The following BOP1 variants were observed in gnomAD, a reference collection of about 807,000 sequenced individuals.
BOP1 encodes the protein ribosome biogenesis protein BOP1.
BOP1 carries 54 observed loss-of-function variants against 82.9 expected under a neutral mutation model. The observed-to-expected ratio is 0.65, with a 90% CI of 0.52 to 0.82. BOP1 has a LOEUF of 0.82. Ranked by LOEUF, BOP1 falls within the 40% of genes least tolerant of loss-of-function variation. The pLI is 0.00. For missense variants in BOP1, 1,170 were observed against 1,072.0 expected, an observed-to-expected ratio of 1.09 and a Z score of -1.28; for synonymous variants, 566 against 451.1, an observed-to-expected ratio of 1.25 and a Z score of -3.23.
chr8:144,288,854 A>C (rs1198845597), intron 2 of BOP1, among the ~76,000 whole-genome samples: 1 of 152,196 alleles, frequency 6.6e-6, no homozygotes, highest in African/African-American at 2.4e-5. Flanking sequence ...GGGTTGCCCG[A>C]GCATCGTCTG....
intron 2 of BOP1, among the ~76,000 whole-genome samples, chr8:144,284,304 A>C (rs782609200): frequency 5.9e-5 from 9 of 152,178 alleles, no homozygotes; most frequent in Non-Finnish European, 1.0e-4. Flanking sequence ...TCTCAAACAA[A>C]AAAAAGCATT....
At chr8:144,276,585 C>T (rs959675708) in intron 2 of BOP1, among the ~76,000 whole-genome samples, 5 of 152,146 alleles carry the variant, frequency 3.3e-5, no homozygotes, top group African/African-American at 4.8e-5. Flanking sequence ...AGGCTAGACA[C>T]GGAAGCCACT....
intron 2 of BOP1, 147 bp from the exon 3 acceptor site, chr8:144,276,451 C>G (rs1263669022): frequency 5.4e-6 from 5 of 930,654 alleles, no homozygotes; most frequent in Non-Finnish European, 8.4e-6. Flanking sequence ...ACACCCAGCT[C>G]TAAGGGGGCC....
rs1285287817 is a variant in BOP1, at chr8:144,262,975, C to T, written c.1772G>A (p.Arg591Gln). ...CTGGGACGCCACCAACAGGAAGGGC[C>T]GGGCAGGGTGGAAGGCCACTCGCTG... ...QVQRVAFHPARPFLLVASQRS... is the reference protein window; with the variant it reads ...QVQRVAFHPAQPFLLVASQRS... Residue 591 changes from arginine to glutamine, a missense_variant, in exon 13 of 16, where the codon CGG becomes CAG. Physicochemically the swap from Arg to Gln is conservative, Grantham distance 43. Coordinates refer to ENST00000569669, the MANE Select transcript of BOP1 (RefSeq NM_015201.5). 1.5e-5 allele frequency: 24 copies of T among 1,550,730 alleles called. 1 individual carries two copies. The South Asian group carries it at 1.9e-4, about 12-fold the overall frequency.
At chr8:144,283,559 T>G (rs1310510645) in intron 2 of BOP1, among the ~76,000 whole-genome samples, 1 of 152,232 alleles carries the variant, frequency 6.6e-6, no homozygotes, top group Non-Finnish European at 1.5e-5. Context: ...GAGATCCACC[T>G]GCCTTGGCCT....
rs1845306100 is a variant in BOP1, at chr8:144,264,318, G to T, written c.885C>A (p.Arg295=). 5 of 1,610,408 alleles carry T rather than the reference G, an allele frequency of 3.1e-6. No homozygotes were observed. Among genetic ancestry groups the T allele is most frequent in the Admixed American group, 3.3e-5 (2 of 59,904 alleles). ...AQEDPNAVLG[R]HKMHVPAPKL... is the part of the protein sequence containing the mutation. The stretch of plus-strand genomic sequence containing the variant: ...TGGGAGCAGGTACGTGCATCTTGTG[G>T]CGCCCGAGCACGGCGTTGGGGTCCT... The change falls in exon 7 of 16, where the codon CGC becomes CGA. Residue 295 remains arginine, a synonymous_variant. Coordinates refer to ENST00000569669, the MANE Select transcript of BOP1 (RefSeq NM_015201.5).
chr8:144,272,900 C>G (rs1554837951), intron 3 of BOP1, among the ~76,000 whole-genome samples: 1 of 152,190 alleles, frequency 6.6e-6, no homozygotes. Context: ...CCACCCACAG[C>G]CTGGGTAGCA....
intron 2 of BOP1, among the ~76,000 whole-genome samples, chr8:144,284,856 C>T (rs190235570): frequency 2.6e-5 from 4 of 152,214 alleles, no homozygotes; most frequent in East Asian, 1.9e-4. Flanking sequence ...GCCTGTGGCC[C>T]GGCCCTGCAG....
intron 3 of BOP1, among the ~76,000 whole-genome samples, chr8:144,273,507 G>A (rs1034324134): frequency 6.6e-5 from 10 of 152,240 alleles, no homozygotes; most frequent in African/African-American, 2.2e-4. Flanking sequence ...CCCTCAGCCT[G>A]CTACGCTTTC....
chr8:144,264,753 C>G lies in BOP1; in HGVS notation c.624G>C (p.Gln208His). 2 of 1,594,676 alleles carry G rather than the reference C, an allele frequency of 1.3e-6. No homozygotes were observed. Among genetic ancestry groups the G allele is most frequent in the Non-Finnish European group, 1.7e-6 (2 of 1,171,878 alleles). The change falls in exon 5 of 16, where the codon CAG becomes CAC. Residue 208 changes from glutamine (Q) to histidine (H), a missense_variant. Transcript: ENST00000569669. Reference protein sequence around the residue: ...DEQVALVRRLQSGQFGDVGFN... With the variant: ...DEQVALVRRLHSGQFGDVGFN... The stretch of plus-strand genomic sequence containing the variant: ...AGCCCACATCCCCAAACTGGCCACT[C>G]TGCAGCCGCCGCACCAGGGCCACCT...
At position 144,265,030 on chromosome 8, in the gene BOP1, G is replaced by C; in HGVS notation, c.432C>G (p.Tyr144Ter). The change falls in exon 4 of 16, where the codon TAC becomes TAG. Residue 144 changes from tyrosine (Y) to a stop codon, truncating the protein, a stop_gained. Transcript: ENST00000569669. LOFTEE classifies it high-confidence loss of function. ...NTVGNVPLEW[Y>*]DDFPHVGYDL... is the part of the protein sequence containing the mutation. Reference sequence around the variant, plus strand: ...CGTAGCCCACGTGGGGGAAGTCATCGTACCACTCCAAGGGCACGTTGCCCA... The same window carrying C: ...CGTAGCCCACGTGGGGGAAGTCATCCTACCACTCCAAGGGCACGTTGCCCA... 1 of 1,612,208 alleles carries C rather than the reference G, an allele frequency of 6.2e-7. No individual in the cohort carries two copies. The highest frequency in any genetic ancestry group is 8.5e-7 in the Non-Finnish European group (1 of 1,179,728).
intron 2 of BOP1, among the ~76,000 whole-genome samples, chr8:144,282,804 G>A (rs1330363181): frequency 6.6e-6 from 1 of 152,000 alleles, no homozygotes; most frequent in Non-Finnish European, 1.5e-5. Flanking sequence ...AGCTGCAAAG[G>A]GCACAGCCAG....
chr8:144,278,556 T>C (rs1349998592), intron 2 of BOP1, among the ~76,000 whole-genome samples: 1 of 152,102 alleles, frequency 6.6e-6, no homozygotes, highest in African/African-American at 2.4e-5. Context: ...CCCGGTTCGG[T>C]GGGAAGAGAA....
At chr8:144,286,753 C>G (rs1454092553) in intron 2 of BOP1, among the ~76,000 whole-genome samples, 1 of 152,250 alleles carries the variant, frequency 6.6e-6, no homozygotes, top group Non-Finnish European at 1.5e-5. Flanking sequence ...GCCTTGCCAC[C>G]TCAGGCCCTG....
At chr8:144,289,457 A>C in intron 1 of BOP1, among the ~76,000 whole-genome samples, 153 bp from the exon 2 acceptor site, 1 of 151,978 alleles carries the variant, frequency 6.6e-6, no homozygotes, top group Non-Finnish European at 1.5e-5. Context: ...CTTCCACCAA[A>C]AGCATCCACC....
In BOP1 at chr8:144,263,380, C is replaced by G. The variant is rs1318351453; in HGVS notation, c.1446G>C (p.Leu482=). 3 of 1,597,328 alleles carry G rather than the reference C, an allele frequency of 1.9e-6. No individual in the cohort carries two copies. The highest frequency in any genetic ancestry group is 3.3e-5 in the Admixed American group (2 of 59,946). ...AAAVEDSVLL[L]NPALGDRLVA... is the part of the protein sequence containing the mutation. ...CCAGCCGGTCCCCCAGAGCTGGGTT[C>G]AGCAGCAGCACCGAGTCCTCCCTGT... Residue 482 remains leucine, a synonymous_variant, in exon 12 of 16, where the codon CTG becomes CTC. Coordinates refer to ENST00000569669, the MANE Select transcript of BOP1 (RefSeq NM_015201.5).
chr8:144,291,379 G>T lies in BOP1; in HGVS notation c.-9C>A, dbSNP rs1554840211. 10 of 1,198,626 alleles carry T rather than the reference G, an allele frequency of 8.3e-6. No homozygotes were observed. The highest frequency in any genetic ancestry group is 1.0e-5 in the Non-Finnish European group (10 of 970,932). The allele number at this position is 1,198,626 out of a possible 1,614,324, so 74.2% of individuals were successfully genotyped here. A position where few individuals can be genotyped will look rare whatever the true frequency, so the allele number is the denominator to read the frequency against. The stretch of plus-strand genomic sequence containing the variant: ...CCCCGCGAACCCGCCATGCCCCACC[G>T]CGCGCCGGCCGCCACCCGCACAGCC... On this transcript the variant is annotated 5_prime_UTR_variant, in exon 1 of 16. Transcript: ENST00000569669. This position sits in a 1 kb window ranked among gnomAD's most constrained non-coding sequence, Gnocchi z 4.1.
intron 2 of BOP1, among the ~76,000 whole-genome samples, chr8:144,279,657 T>A (rs1554838694): frequency 2.0e-5 from 3 of 152,106 alleles, no homozygotes; most frequent in African/African-American, 7.2e-5. Flanking sequence ...TTTCATCGCA[T>A]CAAGAGACAG....
intron 2 of BOP1, chr8:144,281,714 G>C (rs1355273249): frequency 6.6e-6 from 1 of 152,210 alleles, no homozygotes; most frequent in Non-Finnish European, 1.5e-5. Context: ...CCAGGATGGA[G>C]GCAGTGGCAT....
Sources: allele counts gnomAD v4.1 joint callset (sites outside exome capture counted in the v4.1 genomes callset), GRCh38; gene constraint gnomAD v4.1.1; non-coding constraint Gnocchi (gnomAD v3.1); transcripts MANE v1.5; gene names NCBI Gene and HGNC (gene_info 2026-07-23, HGNC 2026-07-21).